The following AGBL1 variants were observed in gnomAD, a reference collection of about 807,000 sequenced individuals.
The protein encoded by AGBL1 is AGBL carboxypeptidase 1, also known as cytosolic carboxypeptidase 4.
A neutral mutation model predicts 118.9 loss-of-function variants in AGBL1; 130 were observed. The observed-to-expected ratio is 1.09, with a 90% CI of 0.95 to 1.26. The LOEUF is 1.26. Ranked by LOEUF, AGBL1 falls within the 50% of genes most tolerant of loss-of-function variation. AGBL1 has a pLI of 0.00. For synonymous variants in AGBL1, 555 were observed against 478.9 expected (o/e 1.16, Z -2.08); for missense variants, 1,584 against 1,298.1 (o/e 1.22, Z -3.38).
At chr15:86,654,252 C>T (rs1184283463) in intron 21 of AGBL1, among the ~76,000 whole-genome samples, 1 of 152,076 alleles carries the variant, frequency 6.6e-6, no homozygotes, top group Non-Finnish European at 1.5e-5. Flanking sequence ...TCTACTCCTC[C>T]CCTAGAGCTC....
chr15:86,771,569 T>A (rs2078181674), intron 22 of AGBL1, among the ~76,000 whole-genome samples: 1 of 151,996 alleles, frequency 6.6e-6, no homozygotes, highest in African/African-American at 2.4e-5. Context: ...CCCCCGTATT[T>A]CCATGCCTGG....
intron 22 of AGBL1, among the ~76,000 whole-genome samples, chr15:86,804,620 G>C (rs2141355273): frequency 6.6e-6 from 1 of 152,162 alleles, no homozygotes; most frequent in East Asian, 1.9e-4. Context: ...AGCAATGCCA[G>C]TTCTCTTGGC....
At chr15:86,688,626 T>C (rs974710057) in intron 22 of AGBL1, among the ~76,000 whole-genome samples, 5 of 152,054 alleles carry the variant, frequency 3.3e-5, no homozygotes, top group African/African-American at 1.2e-4. Flanking sequence ...AGAAAATGAA[T>C]CAAACATTAC....
intron 18 of AGBL1, among the ~76,000 whole-genome samples, chr15:86,449,100 A>T (rs1196536882): frequency 6.6e-6 from 1 of 152,338 alleles, no homozygotes; most frequent in East Asian, 1.9e-4. Flanking sequence ...ATGAGGATCA[A>T]TGCCAAAATA....
At chr15:86,529,725 T>A (rs1028068440) in intron 19 of AGBL1, among the ~76,000 whole-genome samples, 4 of 151,616 alleles carry the variant, frequency 2.6e-5, no homozygotes, top group Admixed American at 1.3e-4. Context: ...CAGGTTACCC[T>A]CAAAGGGAAG....
intron 16 of AGBL1, among the ~76,000 whole-genome samples, chr15:86,288,700 GAC>G (rs1168077793): frequency 6.6e-6 from 1 of 151,970 alleles, no homozygotes; most frequent in Non-Finnish European, 1.5e-5. Context: ...TCTCTGGAAA[GAC>G]AAAGTTTGAC....
chr15:87,029,021 G>A (rs1018332923), exon 25 of AGBL1: 47 of 585,050 alleles, frequency 8.0e-5, no homozygotes, highest in Non-Finnish European at 1.3e-4. Flanking sequence ...CATAAGGACA[G>A]GCAATCTTCA....
At chr15:86,446,170 G>A (rs1373621285) in intron 18 of AGBL1, among the ~76,000 whole-genome samples, 1 of 152,180 alleles carries the variant, frequency 6.6e-6, no homozygotes, top group Non-Finnish European at 1.5e-5. Flanking sequence ...AGTCCCTCCA[G>A]CAACCTGCCA....
intron 17 of AGBL1, among the ~76,000 whole-genome samples, chr15:86,319,743 GTTTTTTTTTTTTTTTTTTTTTTT>G (rs139831044): frequency 6.4e-5 from 3 of 47,230 alleles, no homozygotes; most frequent in South Asian, 1.1e-3. Flanking sequence ...CTCTTTGGTA[GTTTTTTTTTTTTTTTTTTTTTTT>G]TTTTTTTTTT....
intron 17 of AGBL1, among the ~76,000 whole-genome samples, chr15:86,348,780 G>A (rs1008141199): frequency 0.012 from 1,466 of 126,894 alleles, no homozygotes; most frequent in East Asian, 0.019. Flanking sequence ...TGTCTCAAAA[G>A]AAAAAAAAAA....
chr15:86,172,679 T>G (rs2077431947), intron 5 of AGBL1, among the ~76,000 whole-genome samples: 1 of 152,250 alleles, frequency 6.6e-6, no homozygotes, highest in African/African-American at 2.4e-5. Flanking sequence ...TGACAGGATT[T>G]CATTCTTGTT....
At chr15:86,924,903 G>A (rs1052032221) in intron 23 of AGBL1, among the ~76,000 whole-genome samples, 14 of 151,568 alleles carry the variant, frequency 9.2e-5, no homozygotes, top group South Asian at 2.1e-4. Flanking sequence ...GTGAAACCCC[G>A]TCTCTACTAA....
intron 22 of AGBL1, among the ~76,000 whole-genome samples, chr15:86,799,351 CCTTGATTT>C (rs2078618603): frequency 6.6e-6 from 1 of 151,924 alleles, no homozygotes; most frequent in East Asian, 1.9e-4. Context: ...ATAAATCTAT[CCTTGATTT>C]CTTGAAAAAT....
chr15:86,264,356 C>A lies in AGBL1; in HGVS notation c.1185C>A (p.Cys395Ter), dbSNP rs1391622394. ...CCGCTGCCTCCTCAAAACAGCATTG[C>A]TACAGCAAGGACCAAAGCTCCTGTG... is the stretch of plus-strand genomic sequence containing the variant. ...IPAAASSKQH[C>*]YSKDQSSCGQ... Residue 395 changes from cysteine to a stop codon, truncating the protein, a stop_gained, in exon 11 of 23, where the codon TGC (cysteine) becomes TGA (stop). Coordinates refer to ENST00000614907, the MANE Select transcript of AGBL1 (RefSeq NM_001386094.1). LOFTEE classifies it high-confidence loss of function. The A allele has an allele frequency of 6.2e-7, 1 of 1,613,360 alleles. No individual in the cohort carries two copies. The highest frequency in any genetic ancestry group is 1.7e-5 in the Admixed American group (1 of 59,936).
At chr15:86,557,345 C>T (rs909715683) in intron 21 of AGBL1, among the ~76,000 whole-genome samples, 4 of 152,148 alleles carry the variant, frequency 2.6e-5, no homozygotes, top group East Asian at 1.9e-4. Flanking sequence ...AGGTCACACA[C>T]GTGGTGTGTT....
At chr15:86,197,331 A>G (rs923843801) in intron 5 of AGBL1, among the ~76,000 whole-genome samples, 1 of 152,244 alleles carries the variant, frequency 6.6e-6, no homozygotes. Context: ...CTGCTTACAG[A>G]ATAAGTGCAG....
In AGBL1 at chr15:86,552,835, C is replaced by T. The variant is rs185843352; in HGVS notation, c.2818-1526C>T. On this transcript the variant is annotated intron_variant, in intron 20 of 22. Coordinates refer to ENST00000614907, the MANE Select transcript of AGBL1 (RefSeq NM_001386094.1). Reference sequence around the variant, plus strand: ...GACACTCAAGTGAAGATAACATTAGCATTCTATTTCCCTTTTTTAGATGAT... The same window carrying T: ...GACACTCAAGTGAAGATAACATTAGTATTCTATTTCCCTTTTTTAGATGAT... 1.1e-4 allele frequency among the ~76,000 whole-genome samples: 16 copies of T among 152,198 alleles called. No individual in the cohort carries two copies. The East Asian group carries it at 2.7e-3, about 26-fold the overall frequency.
At position 86,243,047 on chromosome 15, in the gene AGBL1, A is replaced by G. The variant is rs532657931; in HGVS notation, c.527-4624A>G. ...TAGACAAAAAAATGAGTTGATTACTATGTCAACCTGTGGACTGCTTGCCCT... is the reference window on the plus strand; with the variant it reads ...TAGACAAAAAAATGAGTTGATTACTGTGTCAACCTGTGGACTGCTTGCCCT... On this transcript the variant is annotated intron_variant, in intron 6 of 22. Coordinates refer to ENST00000614907, the MANE Select transcript of AGBL1 (RefSeq NM_001386094.1). Among the ~76,000 whole-genome samples the G allele has an allele frequency of 1.4e-3, 218 of 152,362 alleles. 4 individuals are homozygous for G. The South Asian group carries it at 0.044, about 31-fold the overall frequency.
chr15:86,741,041 A>G (rs1471818297), intron 22 of AGBL1, among the ~76,000 whole-genome samples: 1 of 152,004 alleles, frequency 6.6e-6, no homozygotes, highest in Admixed American at 6.6e-5. Flanking sequence ...GCACACTCAA[A>G]TGGCAGCTCC....
Sources: allele counts gnomAD v4.1 joint callset (sites outside exome capture counted in the v4.1 genomes callset), GRCh38; gene constraint gnomAD v4.1.1; transcripts MANE v1.5; gene names NCBI Gene and HGNC (gene_info 2026-07-23, HGNC 2026-07-21).